KHDRBS2: variants seen among roughly 807,000 people sequenced by gnomAD.
KHDRBS2 encodes KH RNA binding domain containing, signal transduction associated 2.
Under a neutral mutation model 44.3 loss-of-function variants are expected in KHDRBS2, and 26 were observed. The observed-to-expected ratio is 0.59, with a 90% confidence interval of 0.43 to 0.81. The LOEUF (loss-of-function observed/expected upper bound fraction) is 0.81, where lower values mean the gene tolerates loss of function less well. KHDRBS2 is among the 40% of genes least tolerant of loss of function. KHDRBS2 has a pLI of 0.00. For synonymous variants in KHDRBS2, 194 were observed against 151.1 expected, an observed-to-expected ratio of 1.28 and a Z score of -2.08; for missense variants, 476 against 433.1, an observed-to-expected ratio of 1.10 and a Z score of -0.88.
At chr6:61,926,064 AATAATT>A (rs149270006) in intron 4 of KHDRBS2, among the ~76,000 whole-genome samples, 4,274 of 152,224 alleles carry the variant, frequency 0.028, 200 homozygotes, top group African/African-American at 0.098. Context: ...TTTATACAGA[AATAATT>A]ATAGTGTTTT....
At chr6:61,592,848 C>A in the KHDRBS2 span, among the ~76,000 whole-genome samples, 1 of 152,074 alleles carries the variant, frequency 6.6e-6, no homozygotes, top group African/African-American at 2.4e-5. Context: ...TTGAATCAAA[C>A]TCAGTCTTGA....
the KHDRBS2 span, among the ~76,000 whole-genome samples, chr6:61,638,161 A>G: frequency 6.6e-6 from 1 of 152,066 alleles, no homozygotes; most frequent in Admixed American, 6.6e-5. Flanking sequence ...AGCTACTTTA[A>G]AGTTCATATG....
intron 3 of KHDRBS2, among the ~76,000 whole-genome samples, chr6:62,036,883 C>T (rs1785389476): frequency 6.6e-6 from 1 of 151,952 alleles, no homozygotes; most frequent in African/African-American, 2.4e-5. Flanking sequence ...ATTGCATAAA[C>T]TAACTTACTA....
In KHDRBS2 at chr6:61,945,107, AAAAAAGTATATATATATATATATATATAT is replaced by A. The variant is rs1393373625; in HGVS notation, c.483+32930_483+32958del. On this transcript the variant is annotated intron_variant, in intron 4 of 8. Transcript: ENST00000281156. ...CTCTGTCTTAAAAAAAAAAAAAAAA[AAAAAAGTATATATATATATATATATATAT>A]ATATATATATATATACACACAGACT... Among the ~76,000 whole-genome samples, 82 of 37,416 alleles carry A rather than the reference AAAAAAGTATATATATATATATATATATAT, an allele frequency of 2.2e-3. 4 individuals carry two copies. Among genetic ancestry groups the A allele is most frequent in the African/African-American group, 7.1e-3 (80 of 11,288 alleles). The allele number at this position is 37,416 out of a possible 152,430, so 24.5% of individuals were successfully genotyped here.
chr6:61,655,783 C>T, the KHDRBS2 span, among the ~76,000 whole-genome samples: 1 of 151,912 alleles, frequency 6.6e-6, no homozygotes, highest in African/African-American at 2.4e-5. Flanking sequence ...TGAAGTAGTC[C>T]ATTTCACACA....
intron 2 of KHDRBS2, among the ~76,000 whole-genome samples, chr6:62,085,389 T>C (rs778959745): frequency 2.6e-4 from 39 of 150,804 alleles, no homozygotes; most frequent in Non-Finnish European, 4.6e-4. Context: ...ATATGGAGGG[T>C]GGTGAAAGCA....
At chr6:62,106,923 G>C (rs1463518633) in intron 2 of KHDRBS2, among the ~76,000 whole-genome samples, 1 of 151,742 alleles carries the variant, frequency 6.6e-6, no homozygotes, top group African/African-American at 2.4e-5. Flanking sequence ...CAATAAATTA[G>C]GTATTGATGG....
chr6:62,192,885 C>G (rs1265229187), intron 1 of KHDRBS2, among the ~76,000 whole-genome samples: 3 of 152,120 alleles, frequency 2.0e-5, no homozygotes, highest in African/African-American at 7.2e-5. Flanking sequence ...CACAATGAAA[C>G]AGTCATTACG....
chr6:62,075,835 C>G (rs1166965578), intron 2 of KHDRBS2, among the ~76,000 whole-genome samples: 2 of 151,688 alleles, frequency 1.3e-5, no homozygotes, highest in Non-Finnish European at 2.9e-5. Context: ...TCCAAAGCCT[C>G]TCTGTGGTCT....
chr6:61,936,916 C>T (rs1201142229), intron 4 of KHDRBS2, among the ~76,000 whole-genome samples: 1 of 151,908 alleles, frequency 6.6e-6, no homozygotes, highest in African/African-American at 2.4e-5. Context: ...CAGTATAATA[C>T]ACATGTATCT....
chr6:61,687,445 A>G (rs1392479678), intron 8 of KHDRBS2, among the ~76,000 whole-genome samples: 1 of 151,754 alleles, frequency 6.6e-6, no homozygotes, highest in African/African-American at 2.4e-5. Flanking sequence ...GTAATCATTT[A>G]CTCAATAAAT....
At chr6:62,164,410 A>G (rs62414776) in intron 2 of KHDRBS2, among the ~76,000 whole-genome samples, 2 of 151,862 alleles carry the variant, frequency 1.3e-5, no homozygotes, top group African/African-American at 4.8e-5. Context: ...CATAGAACCA[A>G]TTTTTCTACA....
intron 2 of KHDRBS2, among the ~76,000 whole-genome samples, chr6:62,066,262 C>T (rs1793702453): frequency 6.6e-6 from 1 of 151,666 alleles, no homozygotes; most frequent in Non-Finnish European, 1.5e-5. Flanking sequence ...GAGTTCTATA[C>T]AGTTCATAAA....
At chr6:61,933,868 C>T (rs1194071055) in intron 4 of KHDRBS2, among the ~76,000 whole-genome samples, 1 of 152,044 alleles carries the variant, frequency 6.6e-6, no homozygotes, top group African/African-American at 2.4e-5. Context: ...TTTTTAAGGA[C>T]CTTCCATATT....
intron 6 of KHDRBS2, among the ~76,000 whole-genome samples, chr6:61,837,611 A>T (rs755137368): frequency 3.9e-4 from 59 of 151,996 alleles, no homozygotes; most frequent in African/African-American, 1.3e-3. Flanking sequence ...GAATGACCAC[A>T]CTGGCAAAAG....
At chr6:62,182,329 T>C (rs529742428) in intron 1 of KHDRBS2, among the ~76,000 whole-genome samples, 1 of 152,048 alleles carries the variant, frequency 6.6e-6, no homozygotes, top group East Asian at 1.9e-4. Context: ...AGGGAAGTGT[T>C]GGTTAAGAGA....
At chr6:61,848,532 C>CATATATATATATATAT (rs1554236783) in intron 6 of KHDRBS2, among the ~76,000 whole-genome samples, 1 of 28,220 alleles carries the variant, frequency 3.5e-5, no homozygotes, top group Non-Finnish European at 6.2e-5. Flanking sequence ...TATATATATA[C>CATATATATATATATAT]ATATATATGT....
chr6:61,959,115 G>T (rs533954709), intron 4 of KHDRBS2, among the ~76,000 whole-genome samples: 2 of 152,036 alleles, frequency 1.3e-5, no homozygotes, highest in South Asian at 2.1e-4. Flanking sequence ...CATCTTTCCC[G>T]GTTTCCAGCC....
the KHDRBS2 span, among the ~76,000 whole-genome samples, chr6:61,656,242 A>T: frequency 1.3e-5 from 2 of 152,014 alleles, no homozygotes; most frequent in East Asian, 3.9e-4. Context: ...TAAAAACCAT[A>T]TAGCCTCATC....
Sources: gnomAD v4.1 joint callset for allele counts (sites outside exome capture counted in the v4.1 genomes callset) on GRCh38, gnomAD v4.1.1 for gene constraint, MANE v1.5 for transcripts, NCBI Gene and HGNC (gene_info 2026-07-23, HGNC 2026-07-21) for gene names.